Variants in NELL1 observed in about 807,000 individuals in gnomAD.
NELL1 encodes the protein neural EGFL like 1, also known as protein kinase C-binding protein NELL1.
A neutral mutation model predicts 107.4 loss-of-function variants in NELL1; 76 were observed. That is an observed-to-expected ratio of 0.71 (90% CI 0.59 to 0.86). The LOEUF (loss-of-function observed/expected upper bound fraction) is 0.86. Among genes scored for constraint, NELL1 ranks in the 40% least tolerant of loss-of-function variants. The probability of loss-of-function intolerance (pLI) is 0.00; values close to 1 mark genes in which losing one functional copy is unlikely to be tolerated. For synonymous variants in NELL1, 353 were observed against 341.2 expected, an observed-to-expected ratio of 1.03 and a Z score of -0.38; for missense variants, 1,024 against 1,005.5, an observed-to-expected ratio of 1.02 and a Z score of -0.25.
chr11:21,543,161 A>T (rs988607235), intron 16 of NELL1, among the ~76,000 whole-genome samples: 1 of 152,060 alleles, frequency 6.6e-6, no homozygotes, highest in Non-Finnish European at 1.5e-5. Context: ...CACCCTACAC[A>T]TAAGATATTT....
intron 12 of NELL1, among the ~76,000 whole-genome samples, chr11:21,100,265 G>A (rs994268766): frequency 1.4e-4 from 21 of 152,100 alleles, no homozygotes; most frequent in African/African-American, 4.1e-4. Context: ...CAATCCTCCC[G>A]CCTAGGCTTC....
At chr11:21,369,558 T>A (rs17305365) in intron 14 of NELL1, among the ~76,000 whole-genome samples, 31,449 of 151,736 alleles carry the variant, frequency 0.21, 4,175 homozygotes, top group Non-Finnish European at 0.29. Context: ...TGAGGGGTTC[T>A]ACGTATTTGG....
intron 13 of NELL1, among the ~76,000 whole-genome samples, chr11:21,165,533 A>G (rs1337927812): frequency 6.6e-6 from 1 of 152,146 alleles, no homozygotes; most frequent in Non-Finnish European, 1.5e-5. Flanking sequence ...AAAAACTAAA[A>G]ACAGAGTTAC....
chr11:21,092,507 CA>C (rs1854544385), intron 12 of NELL1, among the ~76,000 whole-genome samples: 1 of 151,740 alleles, frequency 6.6e-6, no homozygotes, highest in Non-Finnish European at 1.5e-5. Flanking sequence ...GGGAAATGTG[CA>C]GAAAGAAACT....
chr11:21,534,295 C>A, intron 15 of NELL1, 79 bp from the exon 16 acceptor site: 1 of 1,513,602 alleles, frequency 6.6e-7, no homozygotes, highest in Non-Finnish European at 9.2e-7. Context: ...TTGACATGAG[C>A]ATGTTTTAGG....
At chr11:21,423,626 G>C (rs1478994777) in intron 15 of NELL1, among the ~76,000 whole-genome samples, 1 of 152,090 alleles carries the variant, frequency 6.6e-6, no homozygotes, top group African/African-American at 2.4e-5. Context: ...AAACACATTA[G>C]ACTTAAAAGA....
intron 12 of NELL1, among the ~76,000 whole-genome samples, chr11:21,056,533 A>C (rs1853619914): frequency 6.6e-6 from 1 of 152,132 alleles, no homozygotes; most frequent in Non-Finnish European, 1.5e-5. Flanking sequence ...ACATTTTAGG[A>C]ACACTAACAA....
At chr11:20,808,309 C>A (rs535736452) in intron 3 of NELL1, among the ~76,000 whole-genome samples, 13 of 152,202 alleles carry the variant, frequency 8.5e-5, no homozygotes, top group African/African-American at 2.9e-4. Context: ...ATGTCATCTG[C>A]GAGCTAGGGC....
chr11:21,554,291 C>A (rs554704662), intron 16 of NELL1, among the ~76,000 whole-genome samples: 2 of 151,884 alleles, frequency 1.3e-5, no homozygotes, highest in South Asian at 2.1e-4. Context: ...AATTAGTGAC[C>A]AAAGCAAGTT....
chr11:20,703,464 T>C (rs982330629), intron 2 of NELL1, among the ~76,000 whole-genome samples: 18 of 152,186 alleles, frequency 1.2e-4, no homozygotes, highest in African/African-American at 3.6e-4. Flanking sequence ...CCCGGATTCA[T>C]TGGTTTTTTT....
chr11:21,502,514 G>A (rs1855168475), intron 15 of NELL1, among the ~76,000 whole-genome samples: 1 of 152,192 alleles, frequency 6.6e-6, no homozygotes, highest in Non-Finnish European at 1.5e-5. Flanking sequence ...AGGAAGCTAA[G>A]CGCTCTAGGT....
chr11:21,457,530 T>C (rs969378239), intron 15 of NELL1, among the ~76,000 whole-genome samples: 1 of 152,188 alleles, frequency 6.6e-6, no homozygotes, highest in African/African-American at 2.4e-5. Flanking sequence ...GCAGTGCTCT[T>C]CACCAAAATT....
chr11:21,521,858 C>T (rs1402869603), intron 15 of NELL1, among the ~76,000 whole-genome samples: 1 of 152,108 alleles, frequency 6.6e-6, no homozygotes, highest in Non-Finnish European at 1.5e-5. Context: ...TGATTAATAG[C>T]CATGAGCATC....
At chr11:21,229,591 G>GTAC in intron 14 of NELL1, 137 bp downstream of exon 14, 17 of 1,192,938 alleles carry the variant, frequency 1.4e-5, no homozygotes, top group Non-Finnish European at 2.0e-5. Context: ...ACTGGCAAGG[G>GTAC]TACTGTGCGT....
intron 18 of NELL1, among the ~76,000 whole-genome samples, chr11:21,572,879 T>C (rs1053966738): frequency 5.3e-5 from 8 of 151,992 alleles, no homozygotes; most frequent in African/African-American, 1.9e-4. Context: ...AGCTCAAAAC[T>C]TAATGTGGAA....
At chr11:20,895,300 AAAAAAAAAAAAAAAG>A (rs1330234508) in intron 5 of NELL1, among the ~76,000 whole-genome samples, 10 of 128,388 alleles carry the variant, frequency 7.8e-5, no homozygotes, top group African/African-American at 3.4e-4. Flanking sequence ...AAAAAAAAAA[AAAAAAAAAAAAAAAG>A]AAATTATTCC....
intron 5 of NELL1, among the ~76,000 whole-genome samples, chr11:20,889,045 G>A (rs1163392190): frequency 6.6e-5 from 10 of 152,160 alleles, no homozygotes; most frequent in Admixed American, 6.5e-4. Context: ...GAGTCAAAAT[G>A]TAAATAAATA....
At chr11:21,455,844 T>C (rs1853714064) in intron 15 of NELL1, among the ~76,000 whole-genome samples, 1 of 150,854 alleles carries the variant, frequency 6.6e-6, no homozygotes, top group African/African-American at 2.4e-5. Flanking sequence ...TTTTACTTTT[T>C]CTTTTCTTTT....
At chr11:21,299,858 T>C (rs1590816627) in intron 14 of NELL1, among the ~76,000 whole-genome samples, 1 of 152,106 alleles carries the variant, frequency 6.6e-6, no homozygotes, top group South Asian at 2.1e-4. Flanking sequence ...TTCTTTAATT[T>C]GTTTTTCAAC....
Sources: gnomAD v4.1 joint callset for allele counts (sites outside exome capture counted in the v4.1 genomes callset) on GRCh38, gnomAD v4.1.1 for gene constraint, MANE v1.5 for transcripts, NCBI Gene and HGNC (gene_info 2026-07-23, HGNC 2026-07-21) for gene names.